The following MKRN3 variants were observed in gnomAD, a reference collection of about 807,000 sequenced individuals.
MKRN3 encodes the protein makorin ring finger protein 3, also known as E3 ubiquitin-protein ligase makorin-3.
For synonymous variants in MKRN3, 301 were observed against 250.2 expected (o/e 1.20, Z -1.91); for missense variants, 749 against 667.0 (o/e 1.12, Z -1.35).
chr15:23,566,258 C>T lies in MKRN3; in HGVS notation c.476C>T (p.Ala159Val), dbSNP rs747489299. 3 of 1,613,428 alleles carry T rather than the reference C, an allele frequency of 1.9e-6. No homozygotes were observed. The highest frequency in any genetic ancestry group is 1.7e-5 in the Admixed American group (1 of 60,022). Reference protein sequence around the residue: ...IEPPTQEVAEAPPAASSLSLP... With the variant: ...IEPPTQEVAEVPPAASSLSLP... ...CCCCCGACTCAGGAAGTGGCGGAAG[C>T]CCCCCCGGCTGCATCCTCCCTTTCC... The change falls in exon 1 of 1, where the codon GCC becomes GTC. Residue 159 changes from alanine (A) to valine (V), a missense_variant. Physicochemically the swap from Ala to Val is moderately conservative, Grantham distance 64. Coordinates refer to ENST00000314520, the MANE Select transcript of MKRN3 (RefSeq NM_005664.4).
At position 23,567,265 on chromosome 15, in the gene MKRN3, C is replaced by G. The variant is rs1446145606; in HGVS notation, c.1483C>G (p.Leu495Val). The G allele has an allele frequency of 6.2e-7, 1 of 1,614,078 alleles. No homozygotes were observed. Among genetic ancestry groups the G allele is most frequent in the Non-Finnish European group, 8.5e-7 (1 of 1,180,040 alleles). The change falls in exon 1 of 1, where the codon CTT becomes GTT. Residue 495 changes from leucine (L) to valine (V), a missense_variant. Transcript: ENST00000314520. ...CTTCTCTGAGGACCAGTGGGACTTG[C>G]TTCATTATGAGCTGGAAGAATATTT... ...LPFSEDQWDL[L>V]HYELEEYFNL...
In MKRN3 at chr15:23,566,661, C is replaced by T. The variant is rs574252962; in HGVS notation, c.879C>T (p.His293=). ...EEHMRACIEA[H]EKDMELSFAV... ...ATATGAGGGCCTGCATTGAAGCACA[C>T]GAGAAAGATATGGAACTCTCGTTTG... Residue 293 remains histidine (H), a synonymous_variant, in exon 1 of 1, where the codon CAC becomes CAT. Coordinates refer to ENST00000314520, the MANE Select transcript of MKRN3 (RefSeq NM_005664.4). 2.8e-5 allele frequency: 46 copies of T among 1,614,084 alleles called. No homozygotes were observed. The highest frequency in any genetic ancestry group is 4.5e-5 in the East Asian group (2 of 44,888).
In MKRN3 at chr15:23,565,940, G is replaced by C; in HGVS notation, c.158G>C (p.Arg53Thr). 6.2e-7 allele frequency: 1 copy of C among 1,613,974 alleles called. No individual in the cohort carries two copies. The highest frequency in any genetic ancestry group is 2.2e-5 in the East Asian group (1 of 44,852). Residue 53 changes from arginine to threonine, a missense_variant, in exon 1 of 1, where the codon AGG becomes ACG. By Grantham distance (71) the Arg-to-Thr change is moderately conservative (BLOSUM62 -1). Transcript: ENST00000314520. ...GATTCAGCCCTGCCACATGCGGCAA[G>C]GGGCTGGGCCCCCTTCCCTGTAGCT... ...APDSALPHAA[R>T]GWAPFPVAPV... is the part of the protein sequence containing the mutation.
chr15:23,567,609 T>C lies in MKRN3; in HGVS notation c.*303T>C, dbSNP rs1889133190. ...AGTGTTTACTGAATTTCCACACTTATTTTGAAGACCCTCAAGAGTAAATGT... is the reference window on the plus strand; with the variant it reads ...AGTGTTTACTGAATTTCCACACTTACTTTGAAGACCCTCAAGAGTAAATGT... On this transcript the variant is annotated 3_prime_UTR_variant, in exon 1 of 1. Coordinates refer to ENST00000314520, the MANE Select transcript of MKRN3 (RefSeq NM_005664.4). The C allele has an allele frequency of 8.5e-7, 1 of 1,171,104 alleles. No individual in the cohort carries two copies. Among genetic ancestry groups the C allele is most frequent in the East Asian group, 5.3e-5 (1 of 18,962 alleles). 72.5% of individuals were successfully genotyped at this position (1,171,104 alleles called of 1,614,324 possible).
At position 23,567,557 on chromosome 15, in the gene MKRN3, T is replaced by C. The variant is rs1025134314; in HGVS notation, c.*251T>C. 19 of 1,337,976 alleles carry C rather than the reference T, an allele frequency of 1.4e-5. No individual in the cohort carries two copies. Among genetic ancestry groups the C allele is most frequent in the Non-Finnish European group, 1.8e-5 (19 of 1,037,364 alleles). 82.9% of individuals were successfully genotyped at this position (1,337,976 alleles called of 1,614,324 possible). A position where few individuals can be genotyped will look rare whatever the true frequency, so the allele number is the denominator to read the frequency against. On this transcript the variant is annotated 3_prime_UTR_variant, in exon 1 of 1. Transcript: ENST00000314520. ...TGGCTTTTTTTTGTCATCTCTGTTG[T>C]CAACAGGATTAACTCAGTTCTAGTG...
Position 23,566,419 on chromosome 15 carries a change from C to T in MKRN3, c.637C>T (p.Arg213Trp), listed in dbSNP as rs756685502. Reference sequence around the variant, plus strand: ...TGAGTTTGTTCCAGGGCAGCCCTACCGGGGCCGCTGGGTTGCATCTGCCCC... The same window carrying T: ...TGAGTTTGTTCCAGGGCAGCCCTACTGGGGCCGCTGGGTTGCATCTGCCCC... ...AIEFVPGQPY[R>W]GRWVASAPEA... The change falls in exon 1 of 1, where the codon CGG (arginine) becomes TGG (tryptophan). Residue 213 changes from arginine to tryptophan, a missense_variant. Arg to Trp is a moderately radical substitution (Grantham distance 101). Coordinates refer to ENST00000314520, the MANE Select transcript of MKRN3 (RefSeq NM_005664.4). The T allele has an allele frequency of 3.2e-5, 51 of 1,613,994 alleles. No homozygotes were observed. The highest frequency in any genetic ancestry group is 5.0e-5 in the Admixed American group (3 of 60,000).
Position 23,566,136 on chromosome 15 carries a change from G to T in MKRN3, c.354G>T (p.Ser118=). Residue 118 remains serine (S), a synonymous_variant, in exon 1 of 1, where the codon TCG becomes TCT. Coordinates refer to ENST00000314520, the MANE Select transcript of MKRN3 (RefSeq NM_005664.4). ...AGGAGGGGGAGAACTGTCGCTATTCGCACGACCTTTCTGGTCGGAAGATGG... is the reference window on the plus strand; with the variant it reads ...AGGAGGGGGAGAACTGTCGCTATTCTCACGACCTTTCTGGTCGGAAGATGG... ...QCKEGENCRY[S]HDLSGRKMAT... 1 of 1,614,108 alleles carries T rather than the reference G, an allele frequency of 6.2e-7. No homozygotes were observed. The highest frequency in any genetic ancestry group is 8.5e-7 in the Non-Finnish European group (1 of 1,180,018).
At position 23,565,695 on chromosome 15, in the gene MKRN3, C is replaced by A. The variant is rs892560262; in HGVS notation, c.-88C>A. ...ATGCACACTTCCCCCAGAGAAGCCTCCGAGCGCGGCCGCCATTCCGGGCCT... is the reference window on the plus strand; with the variant it reads ...ATGCACACTTCCCCCAGAGAAGCCTACGAGCGCGGCCGCCATTCCGGGCCT... On this transcript the variant is annotated 5_prime_UTR_variant, in exon 1 of 1. Coordinates refer to ENST00000314520, the MANE Select transcript of MKRN3 (RefSeq NM_005664.4). 6 of 1,349,182 alleles carry A rather than the reference C, an allele frequency of 4.4e-6. No homozygotes were observed. In the African/African-American group the frequency reaches 8.8e-5, roughly 20 times the overall value. The allele number at this position is 1,349,182 out of a possible 1,614,324, so 83.6% of individuals were successfully genotyped here. A position where few individuals can be genotyped will look rare whatever the true frequency, so the allele number is the denominator to read the frequency against.
In MKRN3 at chr15:23,567,481, A is replaced by G. The variant is rs1433800073; in HGVS notation, c.*175A>G. ...TTATGGTGATTATCTGTGTTAAAAA[A>G]TAAGTCCTTAAAGTTACTGTTTTGG... On this transcript the variant is annotated 3_prime_UTR_variant, in exon 1 of 1. Transcript: ENST00000314520. 5 of 1,438,358 alleles carry G rather than the reference A, an allele frequency of 3.5e-6. No individual in the cohort carries two copies. In the African/African-American group the frequency reaches 5.7e-5, roughly 17 times the overall value. 89.1% of individuals were successfully genotyped at this position (1,438,358 alleles called of 1,614,324 possible).
In MKRN3 at chr15:23,567,762, C is replaced by A; in HGVS notation, c.*456C>A. 1.0e-6 allele frequency: 1 copy of A among 1,004,304 alleles called. No homozygotes were observed. The highest frequency in any genetic ancestry group is 1.2e-6 in the Non-Finnish European group (1 of 832,692). The allele number at this position is 1,004,304 out of a possible 1,614,324, so 62.2% of individuals were successfully genotyped here. ...TTACAGTTTGTTCTTTCCCTCCTTC[C>A]CCTTCAAGTGCACTTGTTAAACTGT... On this transcript the variant is annotated 3_prime_UTR_variant, in exon 1 of 1. Transcript: ENST00000314520.
At position 23,565,852 on chromosome 15, in the gene MKRN3, A is replaced by G; in HGVS notation, c.70A>G (p.Arg24Gly). ...GGCCCAGGCAGGTGCTGAGGCAGCA[A>G]GGGAGGGTGTGTCTGGGCCGGACCT... ...AGAQAGAEAA[R>G]EGVSGPDLPV... is the part of the protein sequence containing the mutation. Residue 24 changes from arginine (R) to glycine (G), a missense_variant, in exon 1 of 1, where the codon AGG becomes GGG. By Grantham distance (125) the Arg-to-Gly change is moderately radical. Transcript: ENST00000314520. The G allele has an allele frequency of 1.2e-6, 2 of 1,613,656 alleles. No individual in the cohort carries two copies. Among genetic ancestry groups the G allele is most frequent in the Non-Finnish European group, 1.7e-6 (2 of 1,179,754 alleles).
At position 23,565,932 on chromosome 15, in the gene MKRN3, T is replaced by A. The variant is rs1468076667; in HGVS notation, c.150T>A (p.His50Gln). ...CTGCTCCAGATTCAGCCCTGCCACA[T>A]GCGGCAAGGGGCTGGGCCCCCTTCC... ...ESAAPDSALP[H>Q]AARGWAPFPV... is the part of the protein sequence containing the mutation. The change falls in exon 1 of 1, where the codon CAT (histidine) becomes CAA (glutamine). Residue 50 changes from histidine to glutamine, a missense_variant. Coordinates refer to ENST00000314520, the MANE Select transcript of MKRN3 (RefSeq NM_005664.4). 1 of 1,613,860 alleles carries A rather than the reference T, an allele frequency of 6.2e-7. No individual in the cohort carries two copies. Among genetic ancestry groups the A allele is most frequent in the South Asian group, 1.1e-5 (1 of 91,080 alleles).
rs778487757 is a variant in MKRN3 at position 23,566,276 on chromosome 15, C to T, written c.494C>T (p.Ser165Phe). 43 of 1,614,078 alleles carry T rather than the reference C, an allele frequency of 2.7e-5. No individual in the cohort carries two copies. Among genetic ancestry groups the T allele is most frequent in the Middle Eastern group, 1.7e-4 (1 of 6,058 alleles). The change falls in exon 1 of 1, where the codon TCC becomes TTC. Residue 165 changes from serine (S) to phenylalanine (F), a missense_variant. Transcript: ENST00000314520. Reference sequence around the variant, plus strand: ...GCGGAAGCCCCCCCGGCTGCATCCTCCCTTTCCTTGCCTGTGATTGGCTCG... The same window carrying T: ...GCGGAAGCCCCCCCGGCTGCATCCTTCCTTTCCTTGCCTGTGATTGGCTCG... Reference protein sequence around the residue: ...EVAEAPPAASSLSLPVIGSAA... With the variant: ...EVAEAPPAASFLSLPVIGSAA...
Position 23,567,367 on chromosome 15 carries a change from TC to T in MKRN3, c.*64del. Reference sequence around the variant, plus strand: ...TTCTGTCGTCTGCTATTGCCTGTTTTCCCTGTGTTGACACTCTTACTGCTTT... The same window carrying T: ...TTCTGTCGTCTGCTATTGCCTGTTTTCCTGTGTTGACACTCTTACTGCTTT... On this transcript the variant is annotated 3_prime_UTR_variant, in exon 1 of 1. Coordinates refer to ENST00000314520, the MANE Select transcript of MKRN3 (RefSeq NM_005664.4). 1 of 1,578,420 alleles carries T rather than the reference TC, an allele frequency of 6.3e-7. No homozygotes were observed. Among genetic ancestry groups the T allele is most frequent in the Non-Finnish European group, 8.6e-7 (1 of 1,161,792 alleles).
rs770427898 is a variant in MKRN3 at position 23,566,753 on chromosome 15, C to T, written c.971C>T (p.Pro324Leu). 2 of 1,614,192 alleles carry T rather than the reference C, an allele frequency of 1.2e-6. No homozygotes were observed. Among genetic ancestry groups the T allele is most frequent in the South Asian group, 2.2e-5 (2 of 91,072 alleles). Residue 324 changes from proline to leucine, a missense_variant, in exon 1 of 1, where the codon CCC becomes CTC. Physicochemically the swap from Pro to Leu is moderately conservative, Grantham distance 98. Transcript: ENST00000314520. ...GAGGTTGTCTATGAGAAGGCCAACC[C>T]CAATGACCGCCGCTTTGGCATTCTT... is the stretch of plus-strand genomic sequence containing the variant. ...CMEVVYEKAN[P>L]NDRRFGILSN... is the part of the protein sequence containing the mutation.
In MKRN3 at chr15:23,566,114, AG is replaced by A; in HGVS notation, c.337del (p.Glu113ArgfsTer58). The A allele has an allele frequency of 6.2e-7, 1 of 1,614,176 alleles. No homozygotes were observed. The highest frequency in any genetic ancestry group is 8.5e-7 in the Non-Finnish European group (1 of 1,180,042). On this transcript the variant is annotated frameshift_variant, in exon 1 of 1. Transcript: ENST00000314520. LOFTEE classifies it low-confidence loss of function (END_TRUNC). ...CRYYIHGQCKEGENCRYSHDL... is the reference protein window; with the variant it reads ...CRYYIHGQCKXGENCRYSHDL... The stretch of plus-strand genomic sequence containing the variant: ...TATTATATACATGGGCAGTGCAAGG[AG>A]GGGGAGAACTGTCGCTATTCGCACG...
In MKRN3 at chr15:23,567,650, G is replaced by A. The variant is rs1889134329; in HGVS notation, c.*344G>A. 1.8e-6 allele frequency: 2 copies of A among 1,093,188 alleles called. No homozygotes were observed. The highest frequency in any genetic ancestry group is 4.8e-5 in the Admixed American group (1 of 20,658). 67.7% of individuals were successfully genotyped at this position (1,093,188 alleles called of 1,614,324 possible). A position where few individuals can be genotyped will look rare whatever the true frequency, so the allele number is the denominator to read the frequency against. On this transcript the variant is annotated 3_prime_UTR_variant, in exon 1 of 1. Transcript: ENST00000314520. ...GAGTAAATGTGGCAGAGTGAAAGGA[G>A]AAGTTTTAATTGAACTAGTAGCTTT...
rs1595299178 is a variant in MKRN3 at position 23,566,997 on chromosome 15, A to G, written c.1215A>G (p.Glu405=). ...MSNKACRYFA[E]GRGNCPFGDT... The stretch of plus-strand genomic sequence containing the variant: ...ACAAGGCCTGCAGGTATTTTGCGGA[A>G]GGCAGGGGTAACTGCCCATTTGGAG... The change falls in exon 1 of 1, where the codon GAA becomes GAG. Residue 405 remains glutamate (E), a synonymous_variant. Transcript: ENST00000314520. The G allele has an allele frequency of 1.2e-6, 2 of 1,614,136 alleles. No homozygotes were observed. The highest frequency in any genetic ancestry group is 8.5e-7 in the Non-Finnish European group (1 of 1,180,056).
Position 23,565,872 on chromosome 15 carries a change from G to C in MKRN3, c.90G>C (p.Pro30=). Residue 30 remains proline (P), a synonymous_variant, in exon 1 of 1, where the codon CCG becomes CCC. Coordinates refer to ENST00000314520, the MANE Select transcript of MKRN3 (RefSeq NM_005664.4). ...CAGCAAGGGAGGGTGTGTCTGGGCC[G>C]GACCTTCCCGTCTGTGAGCCCTCCG... ...AEAAREGVSG[P]DLPVCEPSGE... The C allele has an allele frequency of 6.2e-7, 1 of 1,613,832 alleles. No individual in the cohort carries two copies. The highest frequency in any genetic ancestry group is 8.5e-7 in the Non-Finnish European group (1 of 1,179,914).
Sources: allele counts gnomAD v4.1 joint callset, GRCh38; gene constraint gnomAD v4.1.1; transcripts MANE v1.5; gene names NCBI Gene and HGNC (gene_info 2026-07-23, HGNC 2026-07-21).